CCR5AS: variants seen among roughly 807,000 people sequenced by gnomAD.
The protein encoded by CCR5AS is CCR5 antisense RNA.
chr3:46,390,232 G>A (rs753508897), intron 2 of CCR5AS, among the ~76,000 whole-genome samples: 17 of 152,120 alleles, frequency 1.1e-4, no homozygotes, highest in Non-Finnish European at 2.5e-4. Flanking sequence ...GGGATGCAAG[G>A]GGATAGTAAA....
chr3:46,385,714 C>A (rs1326057850), intron 2 of CCR5AS, among the ~76,000 whole-genome samples: 1 of 151,792 alleles, frequency 6.6e-6, no homozygotes, highest in African/African-American at 2.4e-5. Flanking sequence ...CCTGCACTTC[C>A]CTTTATTATT....
chr3:46,367,253 C>T (rs1009308072), intron 3 of CCR5AS, among the ~76,000 whole-genome samples: 3 of 151,556 alleles, frequency 2.0e-5, no homozygotes, highest in Non-Finnish European at 4.4e-5. Context: ...CATATCAAAA[C>T]TCACCAAGCT....
chr3:46,369,845 C>T (rs1204189725), intron 3 of CCR5AS, among the ~76,000 whole-genome samples: 1 of 152,136 alleles, frequency 6.6e-6, no homozygotes, highest in Admixed American at 6.5e-5. Flanking sequence ...GGCTTAGCCC[C>T]TGGGTTAGTC....
At chr3:46,386,547 CA>C (rs1406027463) in intron 2 of CCR5AS, among the ~76,000 whole-genome samples, 1 of 152,128 alleles carries the variant, frequency 6.6e-6, no homozygotes, top group African/African-American at 2.4e-5. Flanking sequence ...GACAGCCAGC[CA>C]AATCCAGAAT....
At chr3:46,380,642 G>A (rs898707072) in intron 2 of CCR5AS, among the ~76,000 whole-genome samples, 15 of 152,318 alleles carry the variant, frequency 9.8e-5, no homozygotes, top group Admixed American at 2.6e-4. Flanking sequence ...CCAGTGGCAC[G>A]CCAGCGATGA....
intron 2 of CCR5AS, chr3:46,373,603 T>C: frequency 6.2e-7 from 1 of 1,614,064 alleles, no homozygotes; most frequent in Non-Finnish European, 8.5e-7. Context: ...CACAGGGCTG[T>C]GAGGCTTATC....
intron 2 of CCR5AS, among the ~76,000 whole-genome samples, chr3:46,389,429 T>G (rs1360240900): frequency 6.6e-6 from 1 of 152,148 alleles, no homozygotes; most frequent in Non-Finnish European, 1.5e-5. Flanking sequence ...CAAGGACTGA[T>G]TGCCCAGCTA....
chr3:46,387,903 G>A (rs1341108678), intron 2 of CCR5AS, among the ~76,000 whole-genome samples: 1 of 152,140 alleles, frequency 6.6e-6, no homozygotes, highest in African/African-American at 2.4e-5. Flanking sequence ...GGTGCTCAGT[G>A]GGGAGCTCCT....
chr3:46,405,323 T>C (rs902815618), intron 1 of CCR5AS, among the ~76,000 whole-genome samples: 1 of 152,240 alleles, frequency 6.6e-6, no homozygotes, highest in Admixed American at 6.5e-5. Flanking sequence ...TGTTTTTACT[T>C]GGGAAATTTC....
chr3:46,397,760 A>T (rs1701973442), intron 1 of CCR5AS, among the ~76,000 whole-genome samples: 1 of 152,232 alleles, frequency 6.6e-6, no homozygotes, highest in Admixed American at 6.5e-5. Flanking sequence ...CTGGGTAGAG[A>T]GTGGAGAATG....
chr3:46,404,260 C>G (rs995601400), intron 1 of CCR5AS, among the ~76,000 whole-genome samples: 7 of 147,378 alleles, frequency 4.7e-5, no homozygotes, highest in Non-Finnish European at 1.0e-4. Flanking sequence ...TGGACCCAAC[C>G]ATTTGTGGCT....
chr3:46,370,147 G>C (rs1303432837), intron 3 of CCR5AS, among the ~76,000 whole-genome samples: 1 of 152,130 alleles, frequency 6.6e-6, no homozygotes, highest in African/African-American at 2.4e-5. Context: ...CATAGCTTCA[G>C]ATAGATTATA....
In CCR5AS at chr3:46,373,325, G is replaced by A. The variant is rs754799423; in HGVS notation, n.392-1908C>T. ...CTGTGTTTGCTTTAAAAGCCAGGAC[G>A]GTCACCTTTGGGGTGGTGACAAGTG... On this transcript the variant is annotated intron_variant and non_coding_transcript_variant, in intron 2 of 3. Transcript: ENST00000451485. The A allele has an allele frequency of 1.9e-5, 31 of 1,614,142 alleles. No individual in the cohort carries two copies. In the East Asian group the frequency reaches 2.0e-4, roughly 10 times the overall value.
intron 2 of CCR5AS, among the ~76,000 whole-genome samples, chr3:46,389,559 C>G (rs969332834): frequency 6.6e-6 from 1 of 152,132 alleles, no homozygotes; most frequent in African/African-American, 2.4e-5. Flanking sequence ...GGGCCTGGAT[C>G]CTGTGTGAGG....
At chr3:46,373,181 G>C (rs1156783892) in intron 2 of CCR5AS, 2 of 1,614,166 alleles carry the variant, frequency 1.2e-6, no homozygotes, top group East Asian at 4.5e-5. Context: ...CTGCCGCCCA[G>C]TGGGACTTTG....
chr3:46,368,797 G>C (rs1427506636), intron 3 of CCR5AS, among the ~76,000 whole-genome samples: 1 of 152,200 alleles, frequency 6.6e-6, no homozygotes, highest in Admixed American at 6.5e-5. Flanking sequence ...AGCCCACATT[G>C]CCCTCTGGGG....
intron 3 of CCR5AS, among the ~76,000 whole-genome samples, chr3:46,369,607 A>C (rs1387570661): frequency 6.6e-6 from 1 of 152,190 alleles, no homozygotes; most frequent in Non-Finnish European, 1.5e-5. Flanking sequence ...AACCAATTTT[A>C]TTAGGATTTG....
chr3:46,372,944 T>C, intron 2 of CCR5AS: 2 of 1,608,722 alleles, frequency 1.2e-6, no homozygotes, highest in Non-Finnish European at 1.7e-6. Flanking sequence ...ACATCAATTA[T>C]TATACATCGG....
chr3:46,369,862 T>C (rs1701637888), intron 3 of CCR5AS, among the ~76,000 whole-genome samples: 1 of 152,196 alleles, frequency 6.6e-6, no homozygotes, highest in South Asian at 2.1e-4. Flanking sequence ...AGTCTGCCTC[T>C]GTAGGATTGG....
Sources: allele counts gnomAD v4.1 joint callset (sites outside exome capture counted in the v4.1 genomes callset), GRCh38; gene constraint gnomAD v4.1.1; transcripts MANE v1.5; gene names NCBI Gene and HGNC (gene_info 2026-07-23, HGNC 2026-07-21).